The following HPSE2 variants were observed in gnomAD, a reference collection of about 807,000 sequenced individuals.
The protein encoded by HPSE2 is inactive heparanase-2.
A neutral mutation model predicts 60.5 loss-of-function variants in HPSE2; 38 were observed. The ratio of observed to expected loss-of-function variants is 0.63; its 90% CI spans 0.48 to 0.82. HPSE2 has a LOEUF of 0.82. Ranked by LOEUF, HPSE2 falls within the 40% of genes least tolerant of loss-of-function variation. The probability of loss-of-function intolerance (pLI) is 0.00; values close to 1 mark genes in which losing one functional copy is unlikely to be tolerated. For missense variants in HPSE2, 713 were observed against 740.4 expected, an observed-to-expected ratio of 0.96 and a Z score of 0.43; for synonymous variants, 295 against 293.2, an observed-to-expected ratio of 1.01 and a Z score of -0.06.
At chr10:98,921,771 C>G (rs4917850) in intron 3 of HPSE2, among the ~76,000 whole-genome samples, 23,289 of 152,144 alleles carry the variant, frequency 0.15, 2,687 homozygotes, top group African/African-American at 0.32. Context: ...AATGCAGTCA[C>G]AGATTTCTTC....
chr10:98,899,746 T>C (rs949319803), intron 3 of HPSE2, among the ~76,000 whole-genome samples: 1 of 145,164 alleles, frequency 6.9e-6, no homozygotes, highest in African/African-American at 2.6e-5. Flanking sequence ...TTGAAAAATA[T>C]TTTGGCAGTG....
intron 3 of HPSE2, among the ~76,000 whole-genome samples, chr10:98,857,731 T>A (rs1952352069): frequency 6.6e-6 from 1 of 152,150 alleles, no homozygotes; most frequent in Admixed American, 6.5e-5. Context: ...GTACTAATAA[T>A]GGAGGGACCC....
the HPSE2 span, among the ~76,000 whole-genome samples, chr10:99,315,943 G>T: frequency 6.6e-6 from 1 of 152,054 alleles, no homozygotes; most frequent in East Asian, 1.9e-4. Context: ...CTTCTCAGCC[G>T]CCACCTGCTG....
chr10:98,845,884 G>A, intron 3 of HPSE2, among the ~76,000 whole-genome samples: 1 of 152,202 alleles, frequency 6.6e-6, no homozygotes, highest in East Asian at 1.9e-4. Flanking sequence ...GGACTGCTCA[G>A]TAAAGGAATG....
intron 2 of HPSE2, among the ~76,000 whole-genome samples, chr10:99,159,039 C>T (rs988296345): frequency 2.6e-5 from 4 of 151,850 alleles, no homozygotes; most frequent in African/African-American, 9.7e-5. Context: ...CTTTACACAT[C>T]TATATTCTAA....
At chr10:98,462,166 GTTCTTT>G (rs1020953346) in intron 11 of HPSE2, among the ~76,000 whole-genome samples, 15 of 152,032 alleles carry the variant, frequency 9.9e-5, no homozygotes, top group African/African-American at 3.6e-4. Flanking sequence ...TGTTGTTGTT[GTTCTTT>G]TTATTTTTAT....
At chr10:98,664,918 G>A (rs1196268816) in intron 6 of HPSE2, among the ~76,000 whole-genome samples, 1 of 152,016 alleles carries the variant, frequency 6.6e-6, no homozygotes, top group Non-Finnish European at 1.5e-5. Flanking sequence ...GAATATAATA[G>A]CCACCCCAAC....
At chr10:98,698,427 G>A (rs1041723531) in intron 5 of HPSE2, among the ~76,000 whole-genome samples, 1 of 148,282 alleles carries the variant, frequency 6.7e-6, no homozygotes, top group African/African-American at 2.6e-5. Context: ...AAATAAAGAT[G>A]TTCTTTGAAA....
In HPSE2 at chr10:98,938,870, G is replaced by C. The variant is rs546016075; in HGVS notation, c.611-194814C>G. Among the ~76,000 whole-genome samples, 63 of 144,400 alleles carry C rather than the reference G, an allele frequency of 4.4e-4. 14 individuals are homozygous for C. Among genetic ancestry groups the C allele is most frequent in the African/African-American group, 1.7e-3 (60 of 35,744 alleles). 94.7% of individuals were successfully genotyped at this position (144,400 alleles called of 152,430 possible). On this transcript the variant is annotated intron_variant, in intron 3 of 11. Transcript: ENST00000370552. ...GTTACCCACAAAGGGAAGTCCATCA[G>C]ACTAACAGCTGATCTCTTGGCAGAA...
intron 5 of HPSE2, among the ~76,000 whole-genome samples, chr10:98,712,478 T>C (rs1195755530): frequency 1.3e-5 from 2 of 152,078 alleles, no homozygotes; most frequent in Non-Finnish European, 2.9e-5. Context: ...ACAGCTTTCA[T>C]ACCTACCCAT....
At chr10:99,189,554 G>A (rs1848147724) in intron 2 of HPSE2, among the ~76,000 whole-genome samples, 1 of 152,104 alleles carries the variant, frequency 6.6e-6, no homozygotes, top group Non-Finnish European at 1.5e-5. Context: ...TTGTGTATAT[G>A]GGAGCCATGC....
chr10:98,664,112 G>A (rs950887553), intron 6 of HPSE2, among the ~76,000 whole-genome samples: 1 of 152,060 alleles, frequency 6.6e-6, no homozygotes, highest in Non-Finnish European at 1.5e-5. Context: ...TACCCTGGTA[G>A]GCACCCAGAT....
chr10:99,100,148 C>G (rs1375504057), intron 3 of HPSE2, among the ~76,000 whole-genome samples: 1 of 152,180 alleles, frequency 6.6e-6, no homozygotes, highest in Non-Finnish European at 1.5e-5. Flanking sequence ...TGGAGAATGA[C>G]TTTGACAAGT....
At chr10:98,647,099 T>C (rs755121556) in intron 6 of HPSE2, among the ~76,000 whole-genome samples, 14 of 152,158 alleles carry the variant, frequency 9.2e-5, no homozygotes, top group Non-Finnish European at 1.9e-4. Context: ...TCAAAGCATC[T>C]TACTCTTATT....
At chr10:98,496,830 A>G (rs1007703501) in intron 9 of HPSE2, among the ~76,000 whole-genome samples, 1 of 152,076 alleles carries the variant, frequency 6.6e-6, no homozygotes, top group Admixed American at 6.5e-5. Context: ...TACAGTATAA[A>G]TATTCTGTTC....
intron 11 of HPSE2, among the ~76,000 whole-genome samples, chr10:98,468,964 T>C (rs921717441): frequency 6.6e-6 from 1 of 152,200 alleles, no homozygotes; most frequent in African/African-American, 2.4e-5. Context: ...AGTTTTGATC[T>C]AGCTTCTGTA....
At chr10:99,275,731 C>T in the HPSE2 span, among the ~76,000 whole-genome samples, 2 of 152,214 alleles carry the variant, frequency 1.3e-5, no homozygotes, top group African/African-American at 4.8e-5. Context: ...CTTGGGTCTT[C>T]TCCATACCCT....
chr10:98,913,100 T>A (rs1954025757), intron 3 of HPSE2, among the ~76,000 whole-genome samples: 1 of 152,124 alleles, frequency 6.6e-6, no homozygotes, highest in African/African-American at 2.4e-5. Context: ...ATAAATAAAA[T>A]ACATAACTTT....
chr10:99,002,454 C>G (rs1423937112), intron 3 of HPSE2, among the ~76,000 whole-genome samples: 2 of 152,072 alleles, frequency 1.3e-5, no homozygotes, highest in Non-Finnish European at 2.9e-5. Flanking sequence ...CCAACATGAA[C>G]AGTGATAAGT....
Sources: gnomAD v4.1 joint callset for allele counts (sites outside exome capture counted in the v4.1 genomes callset) on GRCh38, gnomAD v4.1.1 for gene constraint, MANE v1.5 for transcripts, NCBI Gene and HGNC (gene_info 2026-07-23, HGNC 2026-07-21) for gene names.